Variants in NDNF observed in about 807,000 individuals in gnomAD.
The protein encoded by NDNF is neuron derived neurotrophic factor.
Under a neutral mutation model 42.0 loss-of-function variants are expected in NDNF, and 16 were observed. That is an observed-to-expected ratio of 0.38 (90% CI 0.26 to 0.58). The LOEUF is 0.58. Among genes scored for constraint, NDNF ranks in the 20% least tolerant of loss-of-function variants. The pLI is 0.67. For synonymous variants in NDNF, 248 were observed against 251.7 expected, an observed-to-expected ratio of 0.99 and a Z score of 0.14; for missense variants, 616 against 666.2, an observed-to-expected ratio of 0.92 and a Z score of 0.83.
intron 1 of NDNF, among the ~76,000 whole-genome samples, chr4:121,063,450 A>AACAC (rs374632297): frequency 3.3e-5 from 5 of 150,602 alleles, no homozygotes; most frequent in Middle Eastern, 6.9e-3. Context: ...TGTGCACATA[A>AACAC]ACACACACAC....
chr4:121,064,147 G>C (rs1319269142), intron 1 of NDNF, among the ~76,000 whole-genome samples: 3 of 152,088 alleles, frequency 2.0e-5, no homozygotes, highest in Non-Finnish European at 4.4e-5. Flanking sequence ...CATCAATTTT[G>C]CTTCTAAAAC....
rs147500183 is a variant in NDNF at position 121,065,717 on chromosome 4, TACAC to T, written c.-2+6272_-2+6275del. 1.2e-3 allele frequency among the ~76,000 whole-genome samples: 176 copies of T among 147,628 alleles called. 1 individual carries two copies. The highest frequency in any genetic ancestry group is 3.8e-3 in the African/African-American group (153 of 40,422). On this transcript the variant is annotated intron_variant, in intron 1 of 3. Transcript: ENST00000379692. ...TCACTTTTATGTGTAAAGAATGAAA[TACAC>T]ACACACACACACACACACATATATT...
In NDNF at chr4:121,037,605, G is replaced by C; in HGVS notation, c.366C>G (p.Gly122=). The change falls in exon 4 of 4, where the codon GGC becomes GGG. Residue 122 remains glycine, a synonymous_variant. Transcript: ENST00000379692. The part of the protein sequence containing the change: ...QQKQQIINEE[G]TELFSYKGND... ...TGCCTTTGTAGGAGAATAACTCAGT[G>C]CCTTCCTCATTAATGATCTGCTGCT... 1.2e-6 allele frequency: 2 copies of C among 1,606,440 alleles called. No homozygotes were observed. The highest frequency in any genetic ancestry group is 1.7e-6 in the Non-Finnish European group (2 of 1,178,462).
chr4:121,037,062 A>G lies in NDNF; in HGVS notation c.909T>C (p.Asp303=). ...IGNKNIFTVS[D]LKPDTQYYFD... ...AGTAGTACTGCGTGTCGGGTTTCAG[A>G]TCAGAGACGGTGAAGATGTTCTTGT... Residue 303 remains aspartate (D), a synonymous_variant, in exon 4 of 4, where the codon GAT becomes GAC. Transcript: ENST00000379692. 1 of 1,613,930 alleles carries G rather than the reference A, an allele frequency of 6.2e-7. No homozygotes were observed. The highest frequency in any genetic ancestry group is 1.1e-5 in the South Asian group (1 of 91,064).
chr4:121,059,025 G>C (rs1727351766), intron 1 of NDNF, among the ~76,000 whole-genome samples: 1 of 151,972 alleles, frequency 6.6e-6, no homozygotes. Flanking sequence ...AGTGCCTCTA[G>C]CCTGGGCACA....
At chr4:121,055,740 G>T (rs758204676) in intron 1 of NDNF, among the ~76,000 whole-genome samples, 2 of 152,142 alleles carry the variant, frequency 1.3e-5, no homozygotes, top group African/African-American at 2.4e-5. Context: ...ATCATGGTGG[G>T]AAATGGGATC....
At chr4:121,058,738 T>A (rs922034094) in intron 1 of NDNF, among the ~76,000 whole-genome samples, 2 of 152,074 alleles carry the variant, frequency 1.3e-5, no homozygotes, top group Non-Finnish European at 2.9e-5. Context: ...CTCTTTTCTA[T>A]CCAAATTGCC....
In NDNF at chr4:121,037,578, A is replaced by G. The variant is rs1485126896; in HGVS notation, c.393T>C (p.Asn131=). ...EGTELFSYKG[N]DVEYFISSSS... ...TAGACGATATAAAATACTCAACATC[A>G]TTGCCTTTGTAGGAGAATAACTCAG... is the stretch of plus-strand genomic sequence containing the variant. Residue 131 remains asparagine, a synonymous_variant, in exon 4 of 4, where the codon AAT becomes AAC. Transcript: ENST00000379692. The G allele has an allele frequency of 1.9e-6, 3 of 1,612,904 alleles. No individual in the cohort carries two copies. The highest frequency in any genetic ancestry group is 2.5e-6 in the Non-Finnish European group (3 of 1,179,822).
rs1040156401 is a variant in NDNF at position 121,036,008 on chromosome 4, C to G, written c.*256G>C. 6 of 405,082 alleles carry G rather than the reference C, an allele frequency of 1.5e-5. No homozygotes were observed. The highest frequency in any genetic ancestry group is 8.1e-5 in the Admixed American group (2 of 24,772). 25.1% of individuals were successfully genotyped at this position (405,082 alleles called of 1,614,324 possible). ...ATGCAGTGGTCAAAGCAAGGAATGG[C>G]AAGTTCCTTCAAGAAGCCCTCTATC... On this transcript the variant is annotated 3_prime_UTR_variant, in exon 4 of 4. Coordinates refer to ENST00000379692, the MANE Select transcript of NDNF (RefSeq NM_024574.4).
At chr4:121,060,567 T>C (rs774620210) in intron 1 of NDNF, among the ~76,000 whole-genome samples, 1 of 152,182 alleles carries the variant, frequency 6.6e-6, no homozygotes, top group Non-Finnish European at 1.5e-5. Flanking sequence ...GTGGACTATT[T>C]AGGAGACGGT....
Position 121,037,616 on chromosome 4 carries a change from T to C in NDNF, c.355A>G (p.Asn119Asp). 1.2e-6 allele frequency: 2 copies of C among 1,601,710 alleles called. No individual in the cohort carries two copies. Among genetic ancestry groups the C allele is most frequent in the Non-Finnish European group, 1.7e-6 (2 of 1,176,996 alleles). ...PLEQQKQQII[N>D]EEGTELFSYK... ...GAGAATAACTCAGTGCCTTCCTCAT[T>C]AATGATCTGCTGCTTCTGCTGCTCA... The change falls in exon 4 of 4, where the codon AAT becomes GAT. Residue 119 changes from asparagine to aspartate, a missense_variant. By Grantham distance (23) the Asn-to-Asp change is conservative. Coordinates refer to ENST00000379692, the MANE Select transcript of NDNF (RefSeq NM_024574.4).
intron 3 of NDNF, among the ~76,000 whole-genome samples, chr4:121,039,312 A>G (rs898363872): frequency 2.7e-5 from 4 of 149,232 alleles, no homozygotes; most frequent in Non-Finnish European, 1.5e-5. Flanking sequence ...TGATGCCCTT[A>G]AAGAGCTTTC....
At chr4:121,063,185 T>C (rs139008808) in intron 1 of NDNF, among the ~76,000 whole-genome samples, 1 of 152,210 alleles carries the variant, frequency 6.6e-6, no homozygotes, top group African/African-American at 2.4e-5. Flanking sequence ...AACAACTTGA[T>C]AGGTAAATTA....
intron 1 of NDNF, among the ~76,000 whole-genome samples, chr4:121,056,339 A>G (rs1346416520): frequency 3.3e-5 from 5 of 152,208 alleles, no homozygotes; most frequent in Non-Finnish European, 5.9e-5. Context: ...TAGAGAGAGT[A>G]AGGAAGTGAC....
chr4:121,068,717 C>CAG (rs145199614), intron 1 of NDNF, among the ~76,000 whole-genome samples: 94 of 148,976 alleles, frequency 6.3e-4, no homozygotes, highest in South Asian at 2.1e-3. Flanking sequence ...AAAAGTGAGA[C>CAG]AGAGAGAGAG....
intron 1 of NDNF, among the ~76,000 whole-genome samples, chr4:121,050,191 C>T (rs908421928): frequency 3.3e-5 from 5 of 152,012 alleles, no homozygotes; most frequent in Non-Finnish European, 7.4e-5. Context: ...ACACATTTTT[C>T]CCTAACAATA....
chr4:121,063,629 A>G (rs898692603), intron 1 of NDNF, among the ~76,000 whole-genome samples: 9 of 152,224 alleles, frequency 5.9e-5, no homozygotes, highest in Admixed American at 5.9e-4. Flanking sequence ...GACTTAATAA[A>G]GTAAACTGAT....
intron 1 of NDNF, among the ~76,000 whole-genome samples, chr4:121,066,113 G>A (rs1176465636): frequency 6.6e-6 from 1 of 152,126 alleles, no homozygotes; most frequent in Non-Finnish European, 1.5e-5. Context: ...TTAGTATGGT[G>A]AATCCTGCTA....
At chr4:121,050,896 G>A (rs1174775702) in intron 1 of NDNF, among the ~76,000 whole-genome samples, 4 of 152,042 alleles carry the variant, frequency 2.6e-5, no homozygotes, top group Non-Finnish European at 4.4e-5. Context: ...ATATCCTACA[G>A]GGGAAATAAA....
Sources: allele counts gnomAD v4.1 joint callset (sites outside exome capture counted in the v4.1 genomes callset), GRCh38; gene constraint gnomAD v4.1.1; transcripts MANE v1.5; gene names NCBI Gene and HGNC (gene_info 2026-07-23, HGNC 2026-07-21).